LARGE1: variants seen among roughly 807,000 people sequenced by gnomAD.
The protein encoded by LARGE1 is LARGE xylosyl- and glucuronyltransferase 1.
In LARGE1, 43 loss-of-function variants were observed where a neutral mutation model predicts 87.6. The ratio of observed to expected loss-of-function variants is 0.49; its 90% confidence interval spans 0.38 to 0.63. The LOEUF is 0.63. Ranked by LOEUF, LARGE1 falls within the 30% of genes least tolerant of loss-of-function variation. The pLI, the probability that LARGE1 is intolerant of heterozygous loss-of-function variation, is 0.00. For synonymous variants in LARGE1, 434 were observed against 394.6 expected (o/e 1.10, Z -1.18); for missense variants, 802 against 1,000.2 (o/e 0.80, Z 2.67).
intron 6 of LARGE1, among the ~76,000 whole-genome samples, chr22:33,514,714 A>G (rs530076154): frequency 1.5e-4 from 23 of 152,326 alleles, no homozygotes; most frequent in African/African-American, 5.3e-4. Context: ...GTGTATATAT[A>G]TATCATATAG....
At chr22:33,754,830 G>A (rs769322301) in intron 2 of LARGE1, among the ~76,000 whole-genome samples, 1 of 152,180 alleles carries the variant, frequency 6.6e-6, no homozygotes, top group Non-Finnish European at 1.5e-5. Context: ...GGGGGATACT[G>A]AAAGCTCCAG....
chr22:33,251,551 C>A (rs1238454183), intron 11 of LARGE1, among the ~76,000 whole-genome samples: 2 of 152,140 alleles, frequency 1.3e-5, no homozygotes, highest in East Asian at 3.9e-4. Context: ...ATTCTCCTGG[C>A]CTGAAGATGT....
At chr22:33,704,839 A>C (rs2082514242) in intron 2 of LARGE1, 1 of 152,232 alleles carries the variant, frequency 6.6e-6, no homozygotes. Flanking sequence ...GCAGCCCCGG[A>C]TCTGACAAGC....
At chr22:33,260,129 TAC>T (rs1433709354) in intron 11 of LARGE1, among the ~76,000 whole-genome samples, 2 of 152,138 alleles carry the variant, frequency 1.3e-5, no homozygotes, top group Non-Finnish European at 2.9e-5. Context: ...CTGTTTATCC[TAC>T]CTCACCTGCT....
At chr22:33,809,700 T>C (rs1032386753) in intron 1 of LARGE1, among the ~76,000 whole-genome samples, 4 of 151,400 alleles carry the variant, frequency 2.6e-5, no homozygotes, top group Non-Finnish European at 5.9e-5. Context: ...TTTCCTCCAA[T>C]GTATGAAAAT....
At chr22:33,078,657 C>G in the LARGE1 span, among the ~76,000 whole-genome samples, 1 of 152,114 alleles carries the variant, frequency 6.6e-6, no homozygotes, top group African/African-American at 2.4e-5. Context: ...TTTTTGAATC[C>G]TTACAAATCA....
chr22:33,287,235 G>A (rs1011332618), intron 12 of LARGE1, among the ~76,000 whole-genome samples: 1 of 152,070 alleles, frequency 6.6e-6, no homozygotes. Flanking sequence ...AAGCTACCTG[G>A]TATTAGTTTC....
At chr22:33,310,359 C>T (rs1367461931) in intron 11 of LARGE1, among the ~76,000 whole-genome samples, 1 of 152,136 alleles carries the variant, frequency 6.6e-6, no homozygotes, top group South Asian at 2.1e-4. Flanking sequence ...CCAGGCTCTC[C>T]CTGGTGTGGT....
chr22:33,771,930 C>T (rs1012419781), intron 1 of LARGE1, among the ~76,000 whole-genome samples: 4 of 152,216 alleles, frequency 2.6e-5, no homozygotes, highest in Admixed American at 6.5e-5. Context: ...TTCCATGCCT[C>T]GCATACATCG....
At chr22:33,256,563 G>T (rs1236201092) in intron 11 of LARGE1, among the ~76,000 whole-genome samples, 1 of 152,102 alleles carries the variant, frequency 6.6e-6, no homozygotes, top group Non-Finnish European at 1.5e-5. Context: ...GTATAATATT[G>T]CCATGACCTG....
At chr22:33,454,140 A>G (rs1325817247) in intron 6 of LARGE1, among the ~76,000 whole-genome samples, 1 of 152,210 alleles carries the variant, frequency 6.6e-6, no homozygotes, top group East Asian at 1.9e-4. Flanking sequence ...TATGTCGGTC[A>G]TGAAACATCT....
chr22:33,359,182 G>C (rs970930671), intron 9 of LARGE1, among the ~76,000 whole-genome samples: 1 of 151,964 alleles, frequency 6.6e-6, no homozygotes, highest in Non-Finnish European at 1.5e-5. Context: ...TATATATCAT[G>C]TTTTCATTGG....
At chr22:33,210,911 T>C (rs1602097799) in intron 11 of LARGE1, among the ~76,000 whole-genome samples, 1 of 152,244 alleles carries the variant, frequency 6.6e-6, no homozygotes, top group African/African-American at 2.4e-5. Context: ...CGTAACAAGG[T>C]ACAGGCAGAC....
At chr22:33,671,574 G>C (rs1002564256) in intron 2 of LARGE1, among the ~76,000 whole-genome samples, 1 of 152,158 alleles carries the variant, frequency 6.6e-6, no homozygotes, top group Non-Finnish European at 1.5e-5. Flanking sequence ...GATAGAGCTA[G>C]AACCGTTCAT....
intron 11 of LARGE1, among the ~76,000 whole-genome samples, chr22:33,196,745 G>C (rs1924103913): frequency 6.6e-6 from 1 of 151,882 alleles, no homozygotes. Context: ...CGAAGAATAA[G>C]GAGGAGGAAT....
chr22:33,577,294 G>C (rs1253740971), intron 5 of LARGE1, among the ~76,000 whole-genome samples: 2 of 152,134 alleles, frequency 1.3e-5, no homozygotes, highest in Non-Finnish European at 2.9e-5. Context: ...TATTTAAAAA[G>C]AGGTTAAGAA....
intron 7 of LARGE1, among the ~76,000 whole-genome samples, chr22:33,416,355 A>G (rs1486911877): frequency 6.6e-6 from 1 of 152,146 alleles, no homozygotes; most frequent in African/African-American, 2.4e-5. Context: ...CAAGCTCTGC[A>G]AAGTCCATGC....
chr22:33,233,275 T>C (rs1402874121), intron 11 of LARGE1, among the ~76,000 whole-genome samples: 3 of 151,908 alleles, frequency 2.0e-5, no homozygotes, highest in African/African-American at 7.3e-5. Context: ...GTGGTGGTGG[T>C]GTTAGTGATG....
chr22:33,869,625 C>T (rs2064215106), intron 1 of LARGE1, among the ~76,000 whole-genome samples: 1 of 152,166 alleles, frequency 6.6e-6, no homozygotes, highest in African/African-American at 2.4e-5. Context: ...CCGTGGGAAG[C>T]ACTCGCATGT....
Sources: allele counts gnomAD v4.1 joint callset (sites outside exome capture counted in the v4.1 genomes callset), GRCh38; gene constraint gnomAD v4.1.1; transcripts MANE v1.5; gene names NCBI Gene and HGNC (gene_info 2026-07-23, HGNC 2026-07-21).